The following AGT variants were observed in gnomAD, a reference collection of about 807,000 sequenced individuals.
AGT encodes the protein alpha-1 antiproteinase, antitrypsin.
AGT carries 26 observed loss-of-function variants against 28.1 expected under a neutral mutation model. The ratio of observed to expected loss-of-function variants is 0.92; its 90% CI spans 0.68 to 1.28. The LOEUF is 1.28. Ranked by LOEUF, AGT falls within the 50% of genes most tolerant of loss-of-function variation. The pLI is 0.00. For synonymous variants in AGT, 259 were observed against 259.6 expected (o/e 1.00, Z 0.02); for missense variants, 596 against 592.3 (o/e 1.01, Z -0.06).
upstream of AGT, among the ~76,000 whole-genome samples, chr1:230,715,086 C>T (rs1364047186): frequency 2.0e-5 from 3 of 151,994 alleles, no homozygotes; most frequent in Non-Finnish European, 4.4e-5. Flanking sequence ...GGCATATCCA[C>T]GATGGCAGAC....
intron 1 of AGT, among the ~76,000 whole-genome samples, chr1:230,730,588 C>T (rs971747534): frequency 1.3e-5 from 2 of 152,138 alleles, no homozygotes; most frequent in Non-Finnish European, 2.9e-5. Flanking sequence ...GTGTGTGGAA[C>T]GAGCTGTGTC....
chr1:230,722,801 A>C, intron 1 of AGT, among the ~76,000 whole-genome samples: 1 of 152,216 alleles, frequency 6.6e-6, no homozygotes, highest in Non-Finnish European at 1.5e-5. Context: ...GCTCCTAGGC[A>C]GAAGGGTCTT....
In AGT at chr1:230,735,246, C is replaced by T. The variant is rs112888763; in HGVS notation, c.-31+10269G>A. Among the ~76,000 whole-genome samples the T allele has an allele frequency of 1.6e-3, 236 of 152,228 alleles. 3 individuals are homozygous for T. Among genetic ancestry groups the T allele is most frequent in the African/African-American group, 5.5e-3 (229 of 41,544 alleles). ...CTCCCAGAGCATGGAAATCTCGCCC[C>T]GACTGCAGCGGGAGAAGGGGGCACA... On this transcript the variant is annotated intron_variant, in intron 1 of 4. Coordinates refer to the AGT transcript ENST00000681269.
Position 230,710,207 on chromosome 1 carries a change from G to A in AGT, c.617C>T (p.Pro206Leu), listed in dbSNP as rs776965115. 8 of 1,613,594 alleles carry A rather than the reference G, an allele frequency of 5.0e-6. No homozygotes were observed. The Admixed American group carries it at 5.0e-5, about 10-fold the overall frequency. ...LSTVVGVFTA[P>L]GLHLKQPFVQ... ...AAACGGCTGCTTCAGGTGCAGGCCT[G>A]GGGCTGTGAACACGCCCACCACCGT... The change falls in exon 2 of 5, where the codon CCA becomes CTA. Residue 206 changes from proline to leucine, a missense_variant. By Grantham distance (98) the Pro-to-Leu change is moderately conservative. Transcript: ENST00000366667.
intron 1 of AGT, 122 bp from the exon 2 acceptor site, chr1:230,710,975 A>T (rs1231903044): frequency 7.9e-7 from 1 of 1,271,744 alleles, no homozygotes; most frequent in Non-Finnish European, 1.1e-6. Context: ...AAATCCATTC[A>T]TGTCTACAAA....
At chr1:230,721,195 T>C (rs1259719445) in intron 1 of AGT, among the ~76,000 whole-genome samples, 2 of 152,266 alleles carry the variant, frequency 1.3e-5, no homozygotes, top group Non-Finnish European at 2.9e-5. Context: ...TTGGGAGAGC[T>C]TTCTCTGTCC....
At chr1:230,718,032 T>C (rs1417572440), upstream of AGT, among the ~76,000 whole-genome samples, 1 of 152,166 alleles carries the variant, frequency 6.6e-6, no homozygotes, top group Non-Finnish European at 1.5e-5. Context: ...GGCATGATCA[T>C]GTCTCAAAGA....
rs1377019556 is a variant in AGT, at chr1:230,704,184, C to T, written c.1242+9G>A. 1 of 1,614,150 alleles carries T rather than the reference C, an allele frequency of 6.2e-7. No individual in the cohort carries two copies. The highest frequency in any genetic ancestry group is 2.2e-5 in the East Asian group (1 of 44,900). On this transcript the variant is annotated intron_variant, in intron 4 of 4. Transcript: ENST00000366667. ...CCCAGGTCAGGCACAGACACAGGCT[C>T]ACACATACCTCCCCCACCCTGATGC...
chr1:230,707,099 G>A (rs1405097820), intron 2 of AGT, among the ~76,000 whole-genome samples: 1 of 152,226 alleles, frequency 6.6e-6, no homozygotes, highest in African/African-American at 2.4e-5. Flanking sequence ...TTGGGGGCAG[G>A]GGTGAGCCCT....
chr1:230,738,698 TA>T (rs1327188655), intron 1 of AGT, among the ~76,000 whole-genome samples: 2 of 151,978 alleles, frequency 1.3e-5, no homozygotes, highest in Non-Finnish European at 2.9e-5. Flanking sequence ...AATGGTGCAT[TA>T]AAAAGAGAAA....
rs1296480846 is a variant in AGT, at chr1:230,702,788, A to T, written c.*353T>A. On this transcript the variant is annotated 3_prime_UTR_variant, in exon 5 of 5. Coordinates refer to ENST00000366667, the MANE Select transcript of AGT (RefSeq NM_001384479.1). ...CCCAATTTTTGTTCTCAACTTGAAAAGGGAACACTTTTTTGTTTCACAAAC... is the reference window on the plus strand; with the variant it reads ...CCCAATTTTTGTTCTCAACTTGAAATGGGAACACTTTTTTGTTTCACAAAC... 7.2e-6 allele frequency: 2 copies of T among 276,422 alleles called. No individual in the cohort carries two copies. Among genetic ancestry groups the T allele is most frequent in the East Asian group, 1.5e-4 (2 of 13,652 alleles). 17.1% of individuals were successfully genotyped at this position (276,422 alleles called of 1,614,324 possible). A position where few individuals can be genotyped will look rare whatever the true frequency, so the allele number is the denominator to read the frequency against.
chr1:230,737,307 TTA>T (rs561401550), intron 1 of AGT, among the ~76,000 whole-genome samples: 17 of 151,718 alleles, frequency 1.1e-4, no homozygotes, highest in South Asian at 2.1e-4. Context: ...TAGAAATTGT[TTA>T]TTATTATTAT....
chr1:230,741,239 C>A (rs1051997303), intron 1 of AGT, among the ~76,000 whole-genome samples: 2 of 152,188 alleles, frequency 1.3e-5, no homozygotes, highest in Non-Finnish European at 2.9e-5. Flanking sequence ...GCCATAGGGG[C>A]AGTGATCTAG....
intron 1 of AGT, among the ~76,000 whole-genome samples, chr1:230,727,893 G>A (rs898915372): frequency 6.6e-6 from 1 of 152,190 alleles, no homozygotes; most frequent in Non-Finnish European, 1.5e-5. Context: ...CAAGACAGGG[G>A]AGTTGCAATA....
chr1:230,702,925 G>A lies in AGT; in HGVS notation c.*216C>T. ...ACCCAGCAAACTGGGAGGTGCATTT[G>A]TGCCGCTGCAGGCTTCTACTGCTCA... On this transcript the variant is annotated 3_prime_UTR_variant, in exon 5 of 5. Coordinates refer to ENST00000366667, the MANE Select transcript of AGT (RefSeq NM_001384479.1). 1 of 589,642 alleles carries A rather than the reference G, an allele frequency of 1.7e-6. No individual in the cohort carries two copies. Among genetic ancestry groups the A allele is most frequent in the East Asian group, 2.8e-5 (1 of 35,144 alleles). The allele number at this position is 589,642 out of a possible 1,614,324, so 36.5% of individuals were successfully genotyped here.
rs61751066 is a variant in AGT at position 230,704,219 on chromosome 1, T to C, written c.1216A>G (p.Ser406Gly). ...LHTELNLQKL[S>G]NDRIRVGEVL... ...TCCCCCACCCTGATGCGGTCATTGC[T>C]CAATTTTTGCAGGTTCAGCTCGGTG... Residue 406 changes from serine (S) to glycine (G), a missense_variant, in exon 4 of 5, where the codon AGC becomes GGC. Coordinates refer to ENST00000366667, the MANE Select transcript of AGT (RefSeq NM_001384479.1). 8 of 1,614,074 alleles carry C rather than the reference T, an allele frequency of 5.0e-6. No individual in the cohort carries two copies. The highest frequency in any genetic ancestry group is 1.6e-4 in the Middle Eastern group (1 of 6,084).
chr1:230,711,957 A>G (rs1246803790), intron 1 of AGT, among the ~76,000 whole-genome samples: 1 of 152,124 alleles, frequency 6.6e-6, no homozygotes, highest in East Asian at 1.9e-4. Flanking sequence ...GCTGCTACAA[A>G]TGAAAGCTAC....
upstream of AGT, among the ~76,000 whole-genome samples, chr1:230,719,526 G>C (rs7549200): frequency 0.2 from 29,464 of 150,224 alleles, 4,030 homozygotes; most frequent in East Asian, 0.49. Context: ...TCCTGTCTCA[G>C]CCTCCCTAGG....
At chr1:230,716,575 G>T (rs921190304), upstream of AGT, among the ~76,000 whole-genome samples, 10 of 152,150 alleles carry the variant, frequency 6.6e-5, no homozygotes, top group Non-Finnish European at 1.0e-4. Flanking sequence ...TCTTTCTGAT[G>T]CTGTTCTTGT....
Sources: gnomAD v4.1 joint callset for allele counts (sites outside exome capture counted in the v4.1 genomes callset) on GRCh38, gnomAD v4.1.1 for gene constraint, MANE v1.5 for transcripts, NCBI Gene and HGNC (gene_info 2026-07-23, HGNC 2026-07-21) for gene names.